Variants in ACSM1 observed in about 807,000 individuals in gnomAD.
ACSM1 encodes the protein acyl-CoA synthetase medium chain family member 1.
A neutral mutation model predicts 75.8 loss-of-function variants in ACSM1; 79 were observed. The ratio of observed to expected loss-of-function variants is 1.04; its 90% CI spans 0.87 to 1.26. ACSM1 has a LOEUF of 1.26. Ranked by LOEUF, ACSM1 falls within the 50% of genes most tolerant of loss-of-function variation. The pLI, the probability that ACSM1 is intolerant of heterozygous loss-of-function variation, is 0.00. For missense variants in ACSM1, 676 were observed against 720.1 expected (o/e 0.94, Z 0.70); for synonymous variants, 279 against 265.8 (o/e 1.05, Z -0.48).
intron 7 of ACSM1, among the ~76,000 whole-genome samples, chr16:20,652,978 G>C (rs1427358445): frequency 6.6e-6 from 1 of 152,162 alleles, no homozygotes; most frequent in African/African-American, 2.4e-5. Flanking sequence ...CAATATCCCT[G>C]ATGAACATCG....
intron 7 of ACSM1, among the ~76,000 whole-genome samples, chr16:20,657,838 A>G (rs1397998425): frequency 2.1e-5 from 3 of 145,920 alleles, no homozygotes; most frequent in Non-Finnish European, 4.5e-5. Flanking sequence ...ACTCCCACCT[A>G]TGAGGGAGAA....
At chr16:20,650,423 G>A (rs757140371) in intron 7 of ACSM1, among the ~76,000 whole-genome samples, 6 of 151,974 alleles carry the variant, frequency 3.9e-5, no homozygotes, top group African/African-American at 1.2e-4. Context: ...AACGTGCAGC[G>A]GCCCTACAGG....
At chr16:20,643,453 G>A (rs929287572) in intron 7 of ACSM1, among the ~76,000 whole-genome samples, 2 of 152,174 alleles carry the variant, frequency 1.3e-5, no homozygotes, top group South Asian at 2.1e-4. Context: ...CTTGCAGTGG[G>A]TGTTACAGCT....
At chr16:20,690,642 A>C (rs985167772) in intron 2 of ACSM1, among the ~76,000 whole-genome samples, 39 of 152,324 alleles carry the variant, frequency 2.6e-4, no homozygotes, top group African/African-American at 8.7e-4. Flanking sequence ...GTTAAGACAC[A>C]TTGTCCCATT....
intron 2 of ACSM1, among the ~76,000 whole-genome samples, chr16:20,689,346 C>T (rs1483939597): frequency 1.3e-5 from 2 of 151,780 alleles, no homozygotes; most frequent in African/African-American, 2.4e-5. Flanking sequence ...TGTGTCACTA[C>T]AAAAACTCAA....
chr16:20,686,791 G>A (rs777398654), intron 2 of ACSM1, among the ~76,000 whole-genome samples: 8 of 145,362 alleles, frequency 5.5e-5, no homozygotes, highest in Admixed American at 2.1e-4. Context: ...GAGACAGAAT[G>A]AGACCCTGTC....
At chr16:20,671,437 C>T in intron 5 of ACSM1, 94 bp downstream of exon 5, 1 of 1,224,912 alleles carries the variant, frequency 8.2e-7, no homozygotes, top group Admixed American at 3.1e-5. Context: ...GTTCCTTTCC[C>T]AAGACACACA....
chr16:20,636,762 C>G lies in ACSM1; in HGVS notation c.1276G>C (p.Val426Leu). Residue 426 changes from valine (V) to leucine (L), a missense_variant, in exon 10 of 14, where the codon GTG becomes CTG. Transcript: ENST00000520010. ...IGIRIKPVRP[V>L]SLFMCYEGDP... ...ACCTCATAGCACATGAAGAGGCTCA[C>G]AGGCCTGACAGGTTTGATTCTGATG... 1 of 1,614,124 alleles carries G rather than the reference C, an allele frequency of 6.2e-7. No individual in the cohort carries two copies. Among genetic ancestry groups the G allele is most frequent in the East Asian group, 2.2e-5 (1 of 44,876 alleles).
At chr16:20,642,177 C>A (rs1192582373) in intron 7 of ACSM1, among the ~76,000 whole-genome samples, 1 of 152,016 alleles carries the variant, frequency 6.6e-6, no homozygotes, top group African/African-American at 2.4e-5. Context: ...CTAATAAAAG[C>A]AACTCTTGAG....
chr16:20,634,763 T>G (rs1229209439), intron 10 of ACSM1, among the ~76,000 whole-genome samples: 1 of 152,178 alleles, frequency 6.6e-6, no homozygotes, highest in East Asian at 1.9e-4. Context: ...TGAAGATGGG[T>G]AATCGTGATG....
chr16:20,669,293 T>C (rs2019746944), intron 6 of ACSM1, among the ~76,000 whole-genome samples: 1 of 152,124 alleles, frequency 6.6e-6, no homozygotes, highest in Non-Finnish European at 1.5e-5. Flanking sequence ...TATGAGGTAG[T>C]AATTATTAAA....
intron 6 of ACSM1, among the ~76,000 whole-genome samples, chr16:20,664,875 G>A (rs2019486268): frequency 6.6e-6 from 1 of 152,074 alleles, no homozygotes; most frequent in African/African-American, 2.4e-5. Context: ...TAAAAACATG[G>A]AAATTAAACA....
intron 10 of ACSM1, among the ~76,000 whole-genome samples, chr16:20,633,843 CA>C (rs1040670735): frequency 6.6e-6 from 1 of 151,942 alleles, no homozygotes. Context: ...CAAACCTGGG[CA>C]ATATGGAGAA....
At chr16:20,685,564 G>A (rs1031878675) in intron 2 of ACSM1, among the ~76,000 whole-genome samples, 161 bp from the exon 3 acceptor site, 2 of 152,108 alleles carry the variant, frequency 1.3e-5, no homozygotes, top group Non-Finnish European at 2.9e-5. Context: ...GCTCATGCTT[G>A]TAATTCCAGT....
chr16:20,657,756 C>A (rs149803792), intron 7 of ACSM1, among the ~76,000 whole-genome samples: 67 of 151,324 alleles, frequency 4.4e-4, no homozygotes, highest in African/African-American at 1.3e-3. Context: ...ATCCCTCCCC[C>A]CTCCCGCCAC....
chr16:20,658,997 C>A (rs1458276814), intron 7 of ACSM1, among the ~76,000 whole-genome samples: 1 of 152,126 alleles, frequency 6.6e-6, no homozygotes, highest in Non-Finnish European at 1.5e-5. Flanking sequence ...CCACCTATAA[C>A]CTTGGATACC....
At chr16:20,674,725 T>C (rs1490119295) in intron 4 of ACSM1, 1 of 151,954 alleles carries the variant, frequency 6.6e-6, no homozygotes, top group Non-Finnish European at 1.5e-5. Flanking sequence ...TGGGGGAGTT[T>C]CACCCGGATG....
rs2016982073 is a variant in ACSM1, at chr16:20,627,198, T to C, written c.1418A>G (p.Asn473Ser). ...CFLGRSDDIINASGYRIGPAE... is the reference protein window; with the variant it reads ...CFLGRSDDIISASGYRIGPAE... ...CATCAGCCACACCTACCCAGAGGCATTAATGATGTCATCACTCCTCCCCAG... is the reference window on the plus strand; with the variant it reads ...CATCAGCCACACCTACCCAGAGGCACTAATGATGTCATCACTCCTCCCCAG... The change falls in exon 11 of 14, where the codon AAT becomes AGT. Residue 473 changes from asparagine to serine, a missense_variant. Transcript: ENST00000520010. 7 of 1,560,784 alleles carry C rather than the reference T, an allele frequency of 4.5e-6. No individual in the cohort carries two copies. In the South Asian group the frequency reaches 4.9e-5, roughly 11 times the overall value.
At chr16:20,683,843 T>C (rs939567683) in intron 3 of ACSM1, among the ~76,000 whole-genome samples, 52 of 152,032 alleles carry the variant, frequency 3.4e-4, no homozygotes, top group African/African-American at 1.2e-3. Flanking sequence ...GCTGGTATTA[T>C]AGGCCTAAGC....
Sources: gnomAD v4.1 joint callset for allele counts (sites outside exome capture counted in the v4.1 genomes callset) on GRCh38, gnomAD v4.1.1 for gene constraint, MANE v1.5 for transcripts, NCBI Gene and HGNC (gene_info 2026-07-23, HGNC 2026-07-21) for gene names.